ROBO2: variants seen among roughly 807,000 people sequenced by gnomAD.
ROBO2 encodes the protein roundabout homolog 2.
A neutral mutation model predicts 160.8 loss-of-function variants in ROBO2; 53 were observed. That is an observed-to-expected ratio of 0.33 (90% CI 0.26 to 0.41). ROBO2 has a LOEUF of 0.41. Among genes scored for constraint, ROBO2 ranks in the 10% least tolerant of loss-of-function variants. The probability of loss-of-function intolerance (pLI) is 1.00; values close to 1 mark genes in which losing one functional copy is unlikely to be tolerated. For missense variants in ROBO2, 1,577 were observed against 1,722.4 expected (o/e 0.92, Z 1.49); for synonymous variants, 664 against 611.7 (o/e 1.09, Z -1.26).
At chr3:76,791,680 G>A (rs2063362762) in intron 2 of ROBO2, among the ~76,000 whole-genome samples, 1 of 151,706 alleles carries the variant, frequency 6.6e-6, no homozygotes, top group Admixed American at 6.6e-5. Flanking sequence ...AACCAACTAA[G>A]CTGCTCCCAA....
At chr3:76,122,672 T>C (rs1309550063) in intron 2 of ROBO2, among the ~76,000 whole-genome samples, 2 of 152,150 alleles carry the variant, frequency 1.3e-5, no homozygotes, top group African/African-American at 4.8e-5. Context: ...AAGTCCTTAC[T>C]TATTTTTTCC....
chr3:77,071,363 T>G (rs935113781), intron 1 of ROBO2, among the ~76,000 whole-genome samples: 1 of 152,196 alleles, frequency 6.6e-6, no homozygotes, highest in African/African-American at 2.4e-5. Flanking sequence ...TAAATTAAAA[T>G]GAAACCGGTA....
chr3:76,596,935 G>C (rs940584606), intron 2 of ROBO2, among the ~76,000 whole-genome samples: 3 of 152,058 alleles, frequency 2.0e-5, no homozygotes, highest in African/African-American at 7.2e-5. Flanking sequence ...AAAGCCCTCT[G>C]TCAACTTGGT....
intron 17 of ROBO2, among the ~76,000 whole-genome samples, chr3:77,590,853 T>G (rs2094163737): frequency 6.6e-6 from 1 of 152,138 alleles, no homozygotes; most frequent in Non-Finnish European, 1.5e-5. Context: ...TATATGTTGA[T>G]CATTGAGCTT....
At chr3:76,358,194 T>C (rs17733787) in intron 2 of ROBO2, among the ~76,000 whole-genome samples, 13,524 of 151,988 alleles carry the variant, frequency 0.089, 660 homozygotes, top group Non-Finnish European at 0.1. Context: ...CATGACTGTG[T>C]AAGAGTCCCC....
At chr3:76,978,319 C>T (rs551912329) in intron 2 of ROBO2, among the ~76,000 whole-genome samples, 19 of 152,264 alleles carry the variant, frequency 1.2e-4, no homozygotes, top group South Asian at 4.1e-4. Flanking sequence ...CTTATAGCCT[C>T]ACAATGCAAA....
At chr3:77,262,511 A>G (rs1390911598) in intron 2 of ROBO2, among the ~76,000 whole-genome samples, 1 of 152,114 alleles carries the variant, frequency 6.6e-6, no homozygotes, top group Non-Finnish European at 1.5e-5. Flanking sequence ...GGCCTTAGCT[A>G]TACATCCTTG....
At chr3:77,126,736 G>T (rs2075351145) in intron 2 of ROBO2, among the ~76,000 whole-genome samples, 1 of 146,102 alleles carries the variant, frequency 6.8e-6, no homozygotes, top group African/African-American at 2.6e-5. Flanking sequence ...GAAAGATGGT[G>T]AAGTCTTTGT....
At chr3:76,568,240 C>A (rs2084725188) in intron 2 of ROBO2, among the ~76,000 whole-genome samples, 1 of 151,964 alleles carries the variant, frequency 6.6e-6, no homozygotes, top group African/African-American at 2.4e-5. Context: ...CTCTGGTATT[C>A]TTATGTGTCA....
chr3:77,150,654 T>C (rs1429051079), intron 2 of ROBO2, among the ~76,000 whole-genome samples: 1 of 151,972 alleles, frequency 6.6e-6, no homozygotes, highest in Non-Finnish European at 1.5e-5. Flanking sequence ...CTTCAAAAGT[T>C]GTAGAAAAAA....
intron 2 of ROBO2, among the ~76,000 whole-genome samples, chr3:76,264,509 T>C (rs1706974949): frequency 6.6e-6 from 1 of 152,132 alleles, no homozygotes; most frequent in Non-Finnish European, 1.5e-5. Flanking sequence ...ATTAAAATTA[T>C]GATATATAAG....
At chr3:77,248,200 C>G (rs1318595180) in intron 2 of ROBO2, among the ~76,000 whole-genome samples, 1 of 152,086 alleles carries the variant, frequency 6.6e-6, no homozygotes, top group African/African-American at 2.4e-5. Context: ...TGCTCCATCC[C>G]CTCTTCACCT....
intron 2 of ROBO2, among the ~76,000 whole-genome samples, chr3:77,389,041 T>A (rs149509001): frequency 1.3e-5 from 2 of 152,130 alleles, no homozygotes; most frequent in African/African-American, 4.8e-5. Flanking sequence ...ACTTACTGGG[T>A]TCAAGCGATT....
chr3:76,739,271 A>G (rs898885005), intron 2 of ROBO2, among the ~76,000 whole-genome samples: 1 of 152,190 alleles, frequency 6.6e-6, no homozygotes, highest in Non-Finnish European at 1.5e-5. Context: ...AAAATGTGGC[A>G]CATTTACAGC....
chr3:76,165,657 A>C (rs1029380070), intron 2 of ROBO2, among the ~76,000 whole-genome samples: 8 of 152,164 alleles, frequency 5.3e-5, no homozygotes, highest in African/African-American at 1.9e-4. Context: ...TACTGAGCTT[A>C]ATCATTTTTA....
At chr3:75,951,204 T>G (rs1329091902) in intron 2 of ROBO2, among the ~76,000 whole-genome samples, 9 of 152,034 alleles carry the variant, frequency 5.9e-5, no homozygotes, top group Non-Finnish European at 7.4e-5. Context: ...TATATACCTA[T>G]TACCAGTTTT....
intron 2 of ROBO2, among the ~76,000 whole-genome samples, chr3:76,326,527 CATTGCATAATGCATATATTAT>C (rs1228827065): frequency 2.0e-5 from 3 of 152,158 alleles, no homozygotes; most frequent in South Asian, 2.1e-4. Flanking sequence ...ATGTATATTA[CATTGCATAATGCATATATTAT>C]ATTGCATAAT....
At chr3:77,606,751 A>G (rs546873374) in intron 20 of ROBO2, among the ~76,000 whole-genome samples, 30 of 152,320 alleles carry the variant, frequency 2.0e-4, no homozygotes, top group African/African-American at 7.0e-4. Context: ...ATACATTGCT[A>G]AATAGCCCTG....
intron 2 of ROBO2, among the ~76,000 whole-genome samples, chr3:77,191,330 C>T (rs2081831143): frequency 6.6e-6 from 1 of 151,902 alleles, no homozygotes; most frequent in Admixed American, 6.6e-5. Flanking sequence ...CTGGTTAGTC[C>T]AGTAGAGAGC....
Sources: gnomAD v4.1 joint callset for allele counts (sites outside exome capture counted in the v4.1 genomes callset) on GRCh38, gnomAD v4.1.1 for gene constraint, MANE v1.5 for transcripts, NCBI Gene and HGNC (gene_info 2026-07-23, HGNC 2026-07-21) for gene names.